The following SLIT3 variants were observed in gnomAD, a reference collection of about 807,000 sequenced individuals.
SLIT3 encodes slit guidance ligand 3, also known as slit homolog 3 protein.
Under a neutral mutation model 184.0 loss-of-function variants are expected in SLIT3, and 68 were observed. That is an observed-to-expected ratio of 0.37 (90% CI 0.30 to 0.45). The LOEUF is 0.45. SLIT3 is among the 20% of genes least tolerant of loss of function. The probability of loss-of-function intolerance (pLI) is 1.00; values close to 1 mark genes in which losing one functional copy is unlikely to be tolerated. For missense variants in SLIT3, 1,707 were observed against 2,026.0 expected (o/e 0.84, Z 3.02); for synonymous variants, 831 against 828.6 (o/e 1.00, Z -0.05).
chr5:169,174,594 G>T (rs1762916418), intron 4 of SLIT3, among the ~76,000 whole-genome samples: 1 of 152,182 alleles, frequency 6.6e-6, no homozygotes, highest in Non-Finnish European at 1.5e-5. Flanking sequence ...GGGTTGGGAA[G>T]ATAAATTGAG....
At chr5:168,890,445 G>T (rs1353973457) in intron 4 of SLIT3, among the ~76,000 whole-genome samples, 5 of 152,128 alleles carry the variant, frequency 3.3e-5, no homozygotes, top group Non-Finnish European at 7.4e-5. Context: ...TCAAGAATTG[G>T]GATGGTATGG....
intron 4 of SLIT3, among the ~76,000 whole-genome samples, chr5:168,925,428 A>G (rs1761784432): frequency 6.6e-6 from 1 of 152,180 alleles, no homozygotes; most frequent in South Asian, 2.1e-4. Flanking sequence ...CCAGAGCGAC[A>G]CCATGACTTG....
chr5:169,174,937 C>T (rs1762928708), intron 4 of SLIT3, among the ~76,000 whole-genome samples: 1 of 112,668 alleles, frequency 8.9e-6, no homozygotes, highest in Admixed American at 9.8e-5. Flanking sequence ...ATGAAAATAC[C>T]CTTTGCTCTT....
At chr5:169,179,354 C>A (rs1763080924) in intron 4 of SLIT3, among the ~76,000 whole-genome samples, 1 of 145,342 alleles carries the variant, frequency 6.9e-6, no homozygotes, top group Admixed American at 7.1e-5. Flanking sequence ...AAAGCCTTCA[C>A]TAAGGTGAGG....
intron 16 of SLIT3, among the ~76,000 whole-genome samples, chr5:168,758,097 C>G (rs1755016596): frequency 6.6e-6 from 1 of 152,186 alleles, no homozygotes; most frequent in Non-Finnish European, 1.5e-5. Context: ...ATGGCAAGCA[C>G]TGGGATGAGC....
chr5:169,210,483 G>A (rs576500087), intron 3 of SLIT3, among the ~76,000 whole-genome samples: 3 of 152,328 alleles, frequency 2.0e-5, no homozygotes, highest in African/African-American at 7.2e-5. Flanking sequence ...CAAAAACCAT[G>A]AAGAAGGTAT....
chr5:169,190,917 T>C (rs1763530638), intron 4 of SLIT3, among the ~76,000 whole-genome samples: 2 of 152,002 alleles, frequency 1.3e-5, no homozygotes, highest in Admixed American at 1.3e-4. Flanking sequence ...TTAAGAAAAA[T>C]CAAAGATCAA....
intron 4 of SLIT3, among the ~76,000 whole-genome samples, chr5:168,969,639 T>C (rs1342298595): frequency 6.6e-6 from 1 of 152,180 alleles, no homozygotes; most frequent in Non-Finnish European, 1.5e-5. Context: ...TAAACACATC[T>C]AGATGGTTTT....
intron 4 of SLIT3, among the ~76,000 whole-genome samples, chr5:169,092,344 G>A (rs552088048): frequency 4.6e-5 from 7 of 152,204 alleles, no homozygotes; most frequent in Non-Finnish European, 1.0e-4. Flanking sequence ...TGGCCATGAG[G>A]AGTGGCAGTG....
Position 168,701,889 on chromosome 5 carries a change from G to A in SLIT3, c.2845-1210C>T, listed in dbSNP as rs572408687. On this transcript the variant is annotated intron_variant, in intron 26 of 35. Coordinates refer to ENST00000519560, the MANE Select transcript of SLIT3 (RefSeq NM_003062.4). ...TTCTGCTGTTGCTGGTGATGTGATG[G>A]AATGGAACTGGGGCTTCCTGGCTGC... Among the ~76,000 whole-genome samples, 4 of 152,366 alleles carry A rather than the reference G, an allele frequency of 2.6e-5. No homozygotes were observed. In the East Asian group the frequency reaches 7.7e-4, roughly 29 times the overall value.
chr5:169,133,842 C>G (rs1761395557), intron 4 of SLIT3, among the ~76,000 whole-genome samples: 1 of 152,154 alleles, frequency 6.6e-6, no homozygotes, highest in Non-Finnish European at 1.5e-5. Context: ...CATACTTTCC[C>G]ATAATTAAAC....
intron 3 of SLIT3, among the ~76,000 whole-genome samples, chr5:169,214,645 G>A (rs920216377): frequency 6.6e-5 from 10 of 152,262 alleles, no homozygotes; most frequent in South Asian, 2.1e-4. Context: ...AACATTTAAC[G>A]GAGACTCCCT....
At chr5:169,208,412 A>G (rs747227829) in intron 3 of SLIT3, among the ~76,000 whole-genome samples, 10 of 152,106 alleles carry the variant, frequency 6.6e-5, no homozygotes, top group Non-Finnish European at 1.5e-4. Context: ...CTTGGTTGCA[A>G]TTGTGAATGG....
At chr5:168,806,306 G>T in intron 9 of SLIT3, 140 bp downstream of exon 9, 1 of 891,466 alleles carries the variant, frequency 1.1e-6, no homozygotes, top group Non-Finnish European at 1.8e-6. Context: ...AGTGTGGAAG[G>T]ACAGCAAAGA....
At chr5:168,836,691 A>T (rs1321258105) in intron 6 of SLIT3, among the ~76,000 whole-genome samples, 2 of 152,168 alleles carry the variant, frequency 1.3e-5, no homozygotes, top group African/African-American at 4.8e-5. Context: ...CAGCAAGACC[A>T]CCACGACTTG....
At chr5:168,894,250 G>A (rs772114221) in intron 4 of SLIT3, among the ~76,000 whole-genome samples, 3 of 152,236 alleles carry the variant, frequency 2.0e-5, no homozygotes, top group Admixed American at 6.5e-5. Context: ...CGACTATGGG[G>A]AGGTTGGCAA....
At chr5:168,716,816 A>C (rs1365957397) in intron 23 of SLIT3, among the ~76,000 whole-genome samples, 1 of 144,022 alleles carries the variant, frequency 6.9e-6, no homozygotes, top group African/African-American at 2.8e-5. Flanking sequence ...AGATAAAAAC[A>C]GATGCTAGCC....
rs1000280480 is a variant in SLIT3, at chr5:169,261,958, C to T, written c.198-10499G>A. 7.9e-5 allele frequency among the ~76,000 whole-genome samples: 12 copies of T among 152,300 alleles called. 1 individual carries two copies. Among genetic ancestry groups the T allele is most frequent in the Middle Eastern group, 3.4e-3 (1 of 294 alleles). ...GAGGCAGCCTCTACCCACAACCAACCAAGAATTCAAGACAACCAGCAGGAA... is the reference window on the plus strand; with the variant it reads ...GAGGCAGCCTCTACCCACAACCAACTAAGAATTCAAGACAACCAGCAGGAA... On this transcript the variant is annotated intron_variant, in intron 1 of 35. Transcript: ENST00000519560.
In SLIT3 at chr5:168,748,386, C is replaced by A; in HGVS notation, c.2186G>T (p.Cys729Phe). ...TCGCACCACTGTCTCCATACAGGTGCACTGCTCCGGGCAGCGCGGGCTCAG... is the reference window on the plus strand; with the variant it reads ...TCGCACCACTGTCTCCATACAGGTGAACTGCTCCGGGCAGCGCGGGCTCAG... ...CQLSPRCPEQ[C>F]TCMETVVRCS... Residue 729 changes from cysteine (C) to phenylalanine (F), a missense_variant, in exon 20 of 36, where the codon TGC becomes TTC. Coordinates refer to ENST00000519560, the MANE Select transcript of SLIT3 (RefSeq NM_003062.4). 1 of 1,519,274 alleles carries A rather than the reference C, an allele frequency of 6.6e-7. No homozygotes were observed. The highest frequency in any genetic ancestry group is 8.7e-7 in the Non-Finnish European group (1 of 1,145,286). The allele number at this position is 1,519,274 out of a possible 1,614,324, so 94.1% of individuals were successfully genotyped here.
Sources: gnomAD v4.1 joint callset for allele counts (sites outside exome capture counted in the v4.1 genomes callset) on GRCh38, gnomAD v4.1.1 for gene constraint, MANE v1.5 for transcripts, NCBI Gene and HGNC (gene_info 2026-07-23, HGNC 2026-07-21) for gene names.